TNFRSF19: variants seen among roughly 807,000 people sequenced by gnomAD.
TNFRSF19 encodes the protein tumor necrosis factor receptor superfamily member 19.
In TNFRSF19, 27 loss-of-function variants were observed where a neutral mutation model predicts 46.4. That is an observed-to-expected ratio of 0.58 (90% confidence interval 0.43 to 0.80). TNFRSF19 has a LOEUF of 0.80. TNFRSF19 is among the 30% of genes least tolerant of loss of function. The pLI is 0.00. For missense variants in TNFRSF19, 511 were observed against 530.8 expected (o/e 0.96, Z 0.37); for synonymous variants, 204 against 205.0 (o/e 1.00, Z 0.04).
At chr13:23,606,652 GTA>G (rs1275211715) in intron 3 of TNFRSF19, among the ~76,000 whole-genome samples, 2 of 152,160 alleles carry the variant, frequency 1.3e-5, no homozygotes, top group Admixed American at 6.5e-5. Flanking sequence ...ATGAATTTGT[GTA>G]TATGTTATAA....
At position 23,614,917 on chromosome 13, in the gene TNFRSF19, T is replaced by C. The variant is rs575894452; in HGVS notation, c.181-950T>C. On this transcript the variant is annotated intron_variant, in intron 3 of 9. Transcript: ENST00000248484. The stretch of plus-strand genomic sequence containing the variant: ...ACGCTCTATCCCCCAATCTATGAAA[T>C]GGGAAAAATGGCAGTGCTGCCCTGA... Among the ~76,000 whole-genome samples the C allele has an allele frequency of 2.6e-5, 4 of 152,004 alleles. No individual in the cohort carries two copies. The South Asian group carries it at 6.3e-4, about 24-fold the overall frequency.
chr13:23,613,415 C>G (rs886183328), intron 3 of TNFRSF19, among the ~76,000 whole-genome samples: 6 of 152,216 alleles, frequency 3.9e-5, no homozygotes, highest in African/African-American at 1.2e-4. Flanking sequence ...CTCTTTAGAT[C>G]CAATGTAGGA....
intron 1 of TNFRSF19, among the ~76,000 whole-genome samples, chr13:23,586,930 T>C (rs1878886875): frequency 6.6e-6 from 1 of 152,078 alleles, no homozygotes; most frequent in South Asian, 2.1e-4. Flanking sequence ...CTAGTGCTTA[T>C]GTGGAGGACA....
intron 3 of TNFRSF19, among the ~76,000 whole-genome samples, chr13:23,603,844 A>G (rs1233375523): frequency 6.6e-6 from 1 of 152,016 alleles, no homozygotes; most frequent in African/African-American, 2.4e-5. Flanking sequence ...TACTTGGTAA[A>G]GAATTTCTAC....
intron 3 of TNFRSF19, among the ~76,000 whole-genome samples, chr13:23,603,442 T>C (rs1310388078): frequency 6.6e-6 from 1 of 152,036 alleles, no homozygotes; most frequent in Non-Finnish European, 1.5e-5. Context: ...TTCCAGAATA[T>C]AGCAGAGAAA....
At chr13:23,585,830 C>T (rs1436341908) in intron 1 of TNFRSF19, among the ~76,000 whole-genome samples, 1 of 152,094 alleles carries the variant, frequency 6.6e-6, no homozygotes, top group Non-Finnish European at 1.5e-5. Flanking sequence ...TATGTCCTTC[C>T]GTGTAAGGGA....
intron 3 of TNFRSF19, among the ~76,000 whole-genome samples, chr13:23,613,595 A>G (rs949653117): frequency 3.9e-5 from 6 of 152,028 alleles, no homozygotes; most frequent in African/African-American, 1.5e-4. Flanking sequence ...GACTCTTACA[A>G]CCTCAAGCTG....
At chr13:23,622,171 A>C (rs1881709573) in intron 4 of TNFRSF19, among the ~76,000 whole-genome samples, 2 of 152,164 alleles carry the variant, frequency 1.3e-5, no homozygotes, top group Non-Finnish European at 2.9e-5. Flanking sequence ...TGGGAGGCCG[A>C]GGATGGTAGA....
At chr13:23,651,654 T>C (rs1430117423) in intron 5 of TNFRSF19, among the ~76,000 whole-genome samples, 1 of 152,116 alleles carries the variant, frequency 6.6e-6, no homozygotes, top group African/African-American at 2.4e-5. Context: ...TTATAAGCCA[T>C]ATGTTGTTTT....
At position 23,664,742 on chromosome 13, in the gene TNFRSF19, A is replaced by T. The variant is rs142830744; in HGVS notation, c.737-3238A>T. Among the ~76,000 whole-genome samples, 203 of 152,342 alleles carry T rather than the reference A, an allele frequency of 1.3e-3. 2 individuals carry two copies. Among genetic ancestry groups the T allele is most frequent in the African/African-American group, 4.6e-3 (190 of 41,572 alleles). On this transcript the variant is annotated intron_variant, in intron 7 of 9. Coordinates refer to ENST00000248484, the MANE Select transcript of TNFRSF19 (RefSeq NM_148957.4). ...CATTGCTTCTATGCAAACCTTGTAG[A>T]GTGCACACAAAGCTAGATGGGATAG...
intron 1 of TNFRSF19, among the ~76,000 whole-genome samples, chr13:23,578,497 C>G (rs1437545201): frequency 2.0e-5 from 3 of 152,150 alleles, no homozygotes; most frequent in Non-Finnish European, 4.4e-5. Flanking sequence ...ATTCATTCAA[C>G]AAATACTGAT....
chr13:23,663,918 C>T (rs1013186694), intron 7 of TNFRSF19, among the ~76,000 whole-genome samples: 13 of 151,558 alleles, frequency 8.6e-5, no homozygotes, highest in Non-Finnish European at 8.8e-5. Context: ...CAGTTAGCGG[C>T]CTATATTATT....
chr13:23,638,785 C>T (rs1455853548), intron 5 of TNFRSF19, among the ~76,000 whole-genome samples: 1 of 152,152 alleles, frequency 6.6e-6, no homozygotes, highest in Non-Finnish European at 1.5e-5. Context: ...ATCCTCTTGA[C>T]TCCTTTGCTC....
At position 23,593,356 on chromosome 13, in the gene TNFRSF19, G is replaced by C; in HGVS notation, c.81G>C (p.Val27=). 6.4e-7 allele frequency: 1 copy of C among 1,566,728 alleles called. No homozygotes were observed. Among genetic ancestry groups the C allele is most frequent in the East Asian group, 2.3e-5 (1 of 43,862 alleles). The change falls in exon 3 of 10, where the codon GTG becomes GTC. Residue 27 remains valine, a synonymous_variant. Transcript: ENST00000248484. ...ATTTTTTTTTTCAGTCATGTAAAGT[G>C]ACTTGTGAATCAGGAGACTGTAGAC... The part of the protein sequence containing the change: ...LVLLGYLSCK[V]TCESGDCRQQ...
chr13:23,673,170 T>C (rs939166818), intron 9 of TNFRSF19, among the ~76,000 whole-genome samples: 3 of 152,248 alleles, frequency 2.0e-5, no homozygotes, highest in Non-Finnish European at 2.9e-5. Flanking sequence ...CGAATTGTTA[T>C]GAAAATATTT....
intron 9 of TNFRSF19, among the ~76,000 whole-genome samples, chr13:23,672,869 A>G (rs1234352906): frequency 2.0e-5 from 3 of 152,242 alleles, no homozygotes; most frequent in African/African-American, 2.4e-5. Context: ...GAGAAATCTT[A>G]TTCCCAACTA....
rs1372691618 is a variant in TNFRSF19 at position 23,659,612 on chromosome 13, T to C, written c.610+398T>C. Among the ~76,000 whole-genome samples, 3 of 152,128 alleles carry C rather than the reference T, an allele frequency of 2.0e-5. No individual in the cohort carries two copies. The highest frequency in any genetic ancestry group is 2.0e-4 in the Admixed American group (3 of 15,288). On this transcript the variant is annotated intron_variant, in intron 6 of 9. Transcript: ENST00000248484. The surrounding 1 kb of genome is among the most constrained non-coding windows in gnomAD (Gnocchi z 4.9). The stretch of plus-strand genomic sequence containing the variant: ...ACCTCTGCCTCCCGGATTCAAGTGA[T>C]TCTCCTGCCTCAGCCTCCGGAGTAG...
chr13:23,607,124 A>G (rs2067755082), intron 3 of TNFRSF19, among the ~76,000 whole-genome samples: 2 of 152,170 alleles, frequency 1.3e-5, no homozygotes, highest in Admixed American at 1.3e-4. Flanking sequence ...ATCTTTTTTA[A>G]AGCTTGAGAT....
chr13:23,597,200 G>A (rs977773923), intron 3 of TNFRSF19, among the ~76,000 whole-genome samples: 4 of 151,996 alleles, frequency 2.6e-5, no homozygotes, highest in African/African-American at 4.8e-5. Flanking sequence ...AGAAGCAAGG[G>A]CAAACAAATT....
Sources: gnomAD v4.1 joint callset for allele counts (sites outside exome capture counted in the v4.1 genomes callset) on GRCh38, gnomAD v4.1.1 for gene constraint, Gnocchi (gnomAD v3.1) non-coding constraint, MANE v1.5 for transcripts, NCBI Gene and HGNC (gene_info 2026-07-23, HGNC 2026-07-21) for gene names.